TOX4: variants seen among roughly 807,000 people sequenced by gnomAD.
TOX4 encodes the protein TOX high mobility group box family member 4.
In TOX4, 12 loss-of-function variants were observed where a neutral mutation model predicts 61.0. The observed-to-expected ratio is 0.20, with a 90% CI of 0.13 to 0.32. The LOEUF is 0.32. Among genes scored for constraint, TOX4 ranks in the 10% least tolerant of loss-of-function variants. The pLI is 1.00. For missense variants in TOX4, 499 were observed against 753.3 expected (o/e 0.66, Z 3.95); for synonymous variants, 268 against 274.8 (o/e 0.98, Z 0.24).
Position 21,496,541 on chromosome 14 carries a change from C to T in TOX4, c.1806-5C>T. The T allele has an allele frequency of 1.2e-6, 2 of 1,611,092 alleles. No homozygotes were observed. Among genetic ancestry groups the T allele is most frequent in the Non-Finnish European group, 1.7e-6 (2 of 1,177,712 alleles). On this transcript the variant is annotated splice_polypyrimidine_tract_variant and splice_region_variant and intron_variant, in intron 8 of 8. Coordinates refer to ENST00000448790, the MANE Select transcript of TOX4 (RefSeq NM_014828.4). ...TCTGTTTGTGTATGTCTTTTTCTCTCTTAGGGATGTATTCTTGGCCTGGGT... is the reference window on the plus strand; with the variant it reads ...TCTGTTTGTGTATGTCTTTTTCTCTTTTAGGGATGTATTCTTGGCCTGGGT...
At chr14:21,492,421 T>G (rs765858910) in intron 6 of TOX4, 45 bp downstream of exon 6, 2 of 1,610,162 alleles carry the variant, frequency 1.2e-6, no homozygotes, top group East Asian at 2.2e-5. Context: ...AGTAAGAAGT[T>G]TTTTGGAAGT....
intron 2 of TOX4, among the ~76,000 whole-genome samples, chr14:21,478,819 T>G (rs1270472855): frequency 6.6e-6 from 1 of 152,038 alleles, no homozygotes; most frequent in Non-Finnish European, 1.5e-5. Context: ...TCTTTCTTTT[T>G]TTTTTTGAGA....
intron 2 of TOX4, among the ~76,000 whole-genome samples, chr14:21,483,241 T>C (rs779745808): frequency 9.9e-5 from 15 of 152,278 alleles, no homozygotes; most frequent in Non-Finnish European, 2.2e-4. Context: ...CCTGACAAAG[T>C]TGCTGTTTTG....
At chr14:21,491,695 A>T (rs776076373) in intron 5 of TOX4, among the ~76,000 whole-genome samples, 8 of 148,222 alleles carry the variant, frequency 5.4e-5, no homozygotes, top group Non-Finnish European at 1.0e-4. Flanking sequence ...AGAAGTGAGC[A>T]TGGGTTGATG....
chr14:21,493,056 T>G lies in TOX4; in HGVS notation c.1440T>G (p.Val480=), dbSNP rs1284119581. 3.1e-6 allele frequency: 5 copies of G among 1,613,940 alleles called. No individual in the cohort carries two copies. The Admixed American group carries it at 8.3e-5, about 27-fold the overall frequency. The change falls in exon 7 of 9, where the codon GTT becomes GTG. Residue 480 remains valine (V), a synonymous_variant. Transcript: ENST00000448790. ...TGCAACAGCCTCCACCTCAGAAAGTTCGAATCAATTTACAGCAACAGCCTC... is the reference window on the plus strand; with the variant it reads ...TGCAACAGCCTCCACCTCAGAAAGTGCGAATCAATTTACAGCAACAGCCTC... ...QAMQQPPPQK[V]RINLQQQPPP... is the part of the protein sequence containing the mutation.
At position 21,498,688 on chromosome 14, in the gene TOX4, AG is replaced by A. The variant is rs1041447289; in HGVS notation, c.*2086del. The A allele has an allele frequency of 6.3e-6, 3 of 474,008 alleles. No homozygotes were observed. Among genetic ancestry groups the A allele is most frequent in the Admixed American group, 7.5e-5 (2 of 26,834 alleles). The allele number at this position is 474,008 out of a possible 1,614,324, so 29.4% of individuals were successfully genotyped here. On this transcript the variant is annotated 3_prime_UTR_variant, in exon 9 of 9. Coordinates refer to ENST00000448790, the MANE Select transcript of TOX4 (RefSeq NM_014828.4). ...GCAGCATGTGTTTTAAGCTCTGTTAAGGGGTGAAAGATGTAATTATTGACAG... is the reference window on the plus strand; with the variant it reads ...GCAGCATGTGTTTTAAGCTCTGTTAAGGGTGAAAGATGTAATTATTGACAG...
chr14:21,492,650 C>G lies in TOX4; in HGVS notation c.1034C>G (p.Ser345Cys), dbSNP rs1256461238. 1.2e-6 allele frequency: 2 copies of G among 1,613,850 alleles called. No homozygotes were observed. The highest frequency in any genetic ancestry group is 1.7e-6 in the Non-Finnish European group (2 of 1,180,018). Residue 345 changes from serine (S) to cysteine (C), a missense_variant, in exon 7 of 9, where the codon TCC (serine) becomes TGC (cysteine). Ser to Cys is a moderately radical substitution (Grantham distance 112, BLOSUM62 -1). Coordinates refer to ENST00000448790, the MANE Select transcript of TOX4 (RefSeq NM_014828.4). ...PALSPSIVVNSTLSSYVANQA... is the reference protein window; with the variant it reads ...PALSPSIVVNCTLSSYVANQA... ...CTGTCCCCATCCATTGTTGTTAACT[C>G]CACCCTTTCATCCTATGTGGCAAAC...
chr14:21,492,218 A>G lies in TOX4; in HGVS notation c.811-78A>G, dbSNP rs191982276. On this transcript the variant is annotated intron_variant, in intron 5 of 8. Transcript: ENST00000448790. The stretch of plus-strand genomic sequence containing the variant: ...GACTAAGATGAATTGTCATTCATTG[A>G]TAAATAATACAGAACTATCAGTCTT... 1.5e-5 allele frequency: 20 copies of G among 1,325,944 alleles called. No individual in the cohort carries two copies. In the African/African-American group the frequency reaches 2.4e-4, roughly 16 times the overall value. The allele number at this position is 1,325,944 out of a possible 1,614,324, so 82.1% of individuals were successfully genotyped here. A position where few individuals can be genotyped will look rare whatever the true frequency, so the allele number is the denominator to read the frequency against.
In TOX4 at chr14:21,493,258, G is replaced by A. The variant is rs1891333515; in HGVS notation, c.1641+1G>A. ...GATGATCACAGATGTAGTTCCTGAG[G>A]TGAGCCTTTGTTTTTAAGTCTTTAG... On this transcript the variant is annotated splice_donor_variant, in intron 7 of 8. Coordinates refer to ENST00000448790, the MANE Select transcript of TOX4 (RefSeq NM_014828.4). LOFTEE classifies it high-confidence loss of function. The A allele has an allele frequency of 6.3e-7, 1 of 1,596,192 alleles. No homozygotes were observed. The highest frequency in any genetic ancestry group is 8.5e-7 in the Non-Finnish European group (1 of 1,172,760).
rs1273938302 is a variant in TOX4 at position 21,496,882 on chromosome 14, G to A, written c.*276G>A. On this transcript the variant is annotated 3_prime_UTR_variant, in exon 9 of 9. Transcript: ENST00000448790. ...GGGCAAGCAAAGCATAGAGATGGTG[G>A]GGTGGTGGTGGGGTTGAAGAAACTT... is the stretch of plus-strand genomic sequence containing the variant. 9 of 347,510 alleles carry A rather than the reference G, an allele frequency of 2.6e-5. No homozygotes were observed. The highest frequency in any genetic ancestry group is 8.4e-5 in the South Asian group (2 of 23,750). 21.5% of individuals were successfully genotyped at this position (347,510 alleles called of 1,614,324 possible).
Position 21,477,543 on chromosome 14 carries a change from C to T in TOX4, c.54C>T (p.His18=). 2 of 1,613,788 alleles carry T rather than the reference C, an allele frequency of 1.2e-6. No individual in the cohort carries two copies. Among genetic ancestry groups the T allele is most frequent in the East Asian group, 2.2e-5 (1 of 44,884 alleles). ...ACCTGACGATCACAGGGCCTTCGCA[C>T]CCCTTCCTGTCAGGGGCCGAGGTGA... ...DNYLTITGPS[H]PFLSGAETFH... The change falls in exon 2 of 9, where the codon CAC becomes CAT. Residue 18 remains histidine (H), a synonymous_variant. Transcript: ENST00000448790.
At chr14:21,496,211 C>CAAAA (rs570396556) in intron 8 of TOX4, 4 of 110,326 alleles carry the variant, frequency 3.6e-5, no homozygotes, top group Non-Finnish European at 7.2e-5. Flanking sequence ...GACTCCATCT[C>CAAAA]AAAAAAAAAA....
rs1363390969 is a variant in TOX4 at position 21,486,094 on chromosome 14, C to T, written c.76-1357C>T. Among the ~76,000 whole-genome samples, 2 of 102,954 alleles carry T rather than the reference C, an allele frequency of 1.9e-5. 1 individual carries two copies. Among genetic ancestry groups the T allele is most frequent in the Non-Finnish European group, 4.2e-5 (2 of 47,518 alleles). The allele number at this position is 102,954 out of a possible 152,430, so 67.5% of individuals were successfully genotyped here. Reference sequence around the variant, plus strand: ...GCACATACCTGTAGTCCCAGCTACTCGGGAGGCTGGGGCTGGAGGCTTGCT... The same window carrying T: ...GCACATACCTGTAGTCCCAGCTACTTGGGAGGCTGGGGCTGGAGGCTTGCT... On this transcript the variant is annotated intron_variant, in intron 2 of 8. Transcript: ENST00000448790.
At position 21,484,924 on chromosome 14, in the gene TOX4, G is replaced by A. The variant is rs1456934777; in HGVS notation, c.76-2527G>A. On this transcript the variant is annotated intron_variant, in intron 2 of 8. Coordinates refer to ENST00000448790, the MANE Select transcript of TOX4 (RefSeq NM_014828.4). The stretch of plus-strand genomic sequence containing the variant: ...TCCGCCCACCTGGGCCTCCCGAAGT[G>A]CTGGGATTACAGGCGTGAGCCACTG... Among the ~76,000 whole-genome samples the A allele has an allele frequency of 1.9e-5, 2 of 107,052 alleles. 1 individual carries two copies. The highest frequency in any genetic ancestry group is 1.7e-4 in the Admixed American group (2 of 12,038). The allele number at this position is 107,052 out of a possible 152,430, so 70.2% of individuals were successfully genotyped here. A position where few individuals can be genotyped will look rare whatever the true frequency, so the allele number is the denominator to read the frequency against.
At chr14:21,494,805 G>C (rs1327282345) in intron 7 of TOX4, among the ~76,000 whole-genome samples, 1 of 151,342 alleles carries the variant, frequency 6.6e-6, no homozygotes, top group Non-Finnish European at 1.5e-5. Flanking sequence ...TGTAATCCCA[G>C]CTACTTGGGA....
chr14:21,497,999 A>T lies in TOX4; in HGVS notation c.*1393A>T. 2.3e-6 allele frequency: 1 copy of T among 430,284 alleles called. No individual in the cohort carries two copies. Among genetic ancestry groups the T allele is most frequent in the Non-Finnish European group, 4.2e-6 (1 of 237,808 alleles). 26.7% of individuals were successfully genotyped at this position (430,284 alleles called of 1,614,324 possible). A position where few individuals can be genotyped will look rare whatever the true frequency, so the allele number is the denominator to read the frequency against. Reference sequence around the variant, plus strand: ...TGCCTAGCCTATAATGATCATTTTAATGTTTCCCATGCACTCATTTAGTTT... The same window carrying T: ...TGCCTAGCCTATAATGATCATTTTATTGTTTCCCATGCACTCATTTAGTTT... On this transcript the variant is annotated 3_prime_UTR_variant, in exon 9 of 9. Coordinates refer to ENST00000448790, the MANE Select transcript of TOX4 (RefSeq NM_014828.4).
intron 2 of TOX4, among the ~76,000 whole-genome samples, chr14:21,484,241 A>G (rs1049584826): frequency 2.0e-5 from 3 of 149,506 alleles, no homozygotes; most frequent in Non-Finnish European, 4.4e-5. Context: ...GGAAACTTTT[A>G]CAAATGTGAT....
intron 4 of TOX4, 27 bp downstream of exon 4, chr14:21,488,877 TCTG>T (rs762024619): frequency 6.2e-7 from 1 of 1,610,000 alleles, no homozygotes; most frequent in Non-Finnish European, 8.5e-7. Flanking sequence ...CAAAATCAAT[TCTG>T]CTGTGATAGT....
intron 5 of TOX4, 103 bp downstream of exon 5, chr14:21,489,506 T>C: frequency 3.1e-6 from 3 of 955,808 alleles, no homozygotes; most frequent in Non-Finnish European, 4.7e-6. Flanking sequence ...TAATATCAGC[T>C]GTTTGTTAAT....
Sources: gnomAD v4.1 joint callset for allele counts (sites outside exome capture counted in the v4.1 genomes callset) on GRCh38, gnomAD v4.1.1 for gene constraint, MANE v1.5 for transcripts, NCBI Gene and HGNC (gene_info 2026-07-23, HGNC 2026-07-21) for gene names.